The following DIP2C variants were observed in gnomAD, a reference collection of about 807,000 sequenced individuals.
DIP2C encodes disco-interacting protein 2 homolog C.
Under a neutral mutation model 192.4 loss-of-function variants are expected in DIP2C, and 33 were observed. That is an observed-to-expected ratio of 0.17 (90% CI 0.13 to 0.23). The LOEUF is 0.23. Ranked by LOEUF, DIP2C falls within the 10% of genes least tolerant of loss-of-function variation. The pLI is 1.00. For synonymous variants in DIP2C, 979 were observed against 864.1 expected, an observed-to-expected ratio of 1.13 and a Z score of -2.33; for missense variants, 1,537 against 2,110.1, an observed-to-expected ratio of 0.73 and a Z score of 5.32.
chr10:550,184 A>C (rs1479121578), intron 1 of DIP2C, among the ~76,000 whole-genome samples: 3 of 151,696 alleles, frequency 2.0e-5, no homozygotes, highest in Non-Finnish European at 2.9e-5. Context: ...TAATTTTTGT[A>C]CTTTTAGTAG....
intron 1 of DIP2C, among the ~76,000 whole-genome samples, chr10:488,205 C>A (rs372991620): frequency 6.6e-6 from 1 of 152,124 alleles, no homozygotes; most frequent in African/African-American, 2.4e-5. Flanking sequence ...AACTTCCATG[C>A]CCCGCATTTT....
At chr10:277,832 T>C (rs1161496084) in intron 36 of DIP2C, among the ~76,000 whole-genome samples, 1 of 152,046 alleles carries the variant, frequency 6.6e-6, no homozygotes, top group Admixed American at 6.6e-5. Flanking sequence ...TCTTCCCGAG[T>C]TCCCATTTCT....
At chr10:599,629 C>A (rs947864832) in intron 1 of DIP2C, among the ~76,000 whole-genome samples, 11 of 152,158 alleles carry the variant, frequency 7.2e-5, no homozygotes, top group Non-Finnish European at 1.6e-4. Flanking sequence ...GCTGGAGGGA[C>A]CTTCCAGGTA....
chr10:327,641 C>A (rs975091269), intron 30 of DIP2C, among the ~76,000 whole-genome samples: 3 of 152,194 alleles, frequency 2.0e-5, no homozygotes, highest in East Asian at 3.8e-4. Context: ...AAGTGACCCT[C>A]CCACCTTGTG....
Position 291,321 on chromosome 10 carries a change from G to A in DIP2C, c.3987-2900C>T, listed in dbSNP as rs542461764. On this transcript the variant is annotated intron_variant, in intron 32 of 36. Coordinates refer to ENST00000280886, the MANE Select transcript of DIP2C (RefSeq NM_014974.3). The stretch of plus-strand genomic sequence containing the variant: ...CAAGAATTCCCTCTCTGGTTCATGT[G>A]AAAAAGGTGTGTTTTGTATGAAAAC... Among the ~76,000 whole-genome samples, 28 of 152,348 alleles carry A rather than the reference G, an allele frequency of 1.8e-4. No individual in the cohort carries two copies. In the South Asian group the frequency reaches 2.9e-3, roughly 16 times the overall value.
intron 1 of DIP2C, among the ~76,000 whole-genome samples, chr10:537,701 G>A (rs2130887159): frequency 6.6e-6 from 1 of 152,292 alleles, no homozygotes; most frequent in East Asian, 1.9e-4. Context: ...AGGCTGGTAA[G>A]TCAACTCTAG....
intron 32 of DIP2C, among the ~76,000 whole-genome samples, chr10:295,686 T>C (rs1235134988): frequency 2.0e-5 from 3 of 151,124 alleles, no homozygotes; most frequent in African/African-American, 7.3e-5. Context: ...AGGGAACTCT[T>C]ATACACTGTT....
intron 1 of DIP2C, among the ~76,000 whole-genome samples, chr10:552,773 G>A (rs763127177): frequency 6.6e-5 from 10 of 152,170 alleles, no homozygotes; most frequent in Non-Finnish European, 1.0e-4. Context: ...AGTGTGAACC[G>A]GGGAGGCGGA....
intron 1 of DIP2C, among the ~76,000 whole-genome samples, chr10:674,801 G>T (rs1178783068): frequency 0.013 from 1,204 of 90,958 alleles, 10 homozygotes; most frequent in Non-Finnish European, 0.018. Context: ...GAGAGAGAGA[G>T]AGAGAGAGAG....
intron 1 of DIP2C, among the ~76,000 whole-genome samples, chr10:572,017 AT>A (rs1425313901): frequency 1.3e-5 from 2 of 152,236 alleles, no homozygotes; most frequent in Non-Finnish European, 2.9e-5. Context: ...CAACATTATA[AT>A]AAAAAATCAC....
chr10:590,846 G>A (rs1033698630), intron 1 of DIP2C, among the ~76,000 whole-genome samples: 1 of 152,210 alleles, frequency 6.6e-6, no homozygotes, highest in Non-Finnish European at 1.5e-5. Context: ...AGCCTGCGAG[G>A]TGAAGGGGCC....
chr10:346,504 A>AACCCG (rs1958467440), intron 26 of DIP2C, among the ~76,000 whole-genome samples: 2 of 137,354 alleles, frequency 1.5e-5, no homozygotes, highest in African/African-American at 2.9e-5. Context: ...ACACGCACCC[A>AACCCG]GACACATCGC....
At chr10:456,650 G>A (rs970460081) in intron 3 of DIP2C, among the ~76,000 whole-genome samples, 5 of 152,234 alleles carry the variant, frequency 3.3e-5, no homozygotes, top group Admixed American at 1.3e-4. Flanking sequence ...GAGGCCAGAC[G>A]AGACAGGCTG....
chr10:608,231 A>C (rs1379810511), intron 1 of DIP2C, among the ~76,000 whole-genome samples: 1 of 10,638 alleles, frequency 9.4e-5, no homozygotes, highest in African/African-American at 1.3e-3. Context: ...ACACACCCCC[A>C]CAGCCCCCCC....
chr10:275,536 T>C lies in DIP2C; in HGVS notation c.*1789A>G, dbSNP rs984566563. On this transcript the variant is annotated 3_prime_UTR_variant, in exon 37 of 37. Coordinates refer to ENST00000280886, the MANE Select transcript of DIP2C (RefSeq NM_014974.3). ...TCTCAGAAGTCAAACAAAACTCTTT[T>C]AGCAAAAGGCTTACTGCTGACTGCA... The C allele has an allele frequency of 6.6e-6, 1 of 150,684 alleles. No homozygotes were observed. Among genetic ancestry groups the C allele is most frequent in the Non-Finnish European group, 1.5e-5 (1 of 67,862 alleles). The allele number at this position is 150,684 out of a possible 1,614,324, so 9.3% of individuals were successfully genotyped here.
intron 31 of DIP2C, among the ~76,000 whole-genome samples, chr10:320,031 GC>G (rs1235589983): frequency 6.6e-6 from 1 of 152,188 alleles, no homozygotes; most frequent in Non-Finnish European, 1.5e-5. Context: ...AGAGGAAAAT[GC>G]TGTTAGAAGG....
chr10:337,282 T>G (rs1379116449), intron 29 of DIP2C, among the ~76,000 whole-genome samples: 10 of 13,098 alleles, frequency 7.6e-4, no homozygotes, highest in Admixed American at 2.2e-3. Flanking sequence ...GTGTGTGTGT[T>G]CTGTGGAGGC....
intron 10 of DIP2C, among the ~76,000 whole-genome samples, chr10:395,415 A>G (rs1963907537): frequency 6.6e-6 from 1 of 152,188 alleles, no homozygotes; most frequent in African/African-American, 2.4e-5. Flanking sequence ...AAATGTATAT[A>G]ATTATAACTT....
chr10:336,457 A>AT lies in DIP2C; in HGVS notation c.3584+4741dup, dbSNP rs1404428745. 5.3e-5 allele frequency among the ~76,000 whole-genome samples: 8 copies of AT among 152,168 alleles called. No homozygotes were observed. In the South Asian group the frequency reaches 6.2e-4, roughly 12 times the overall value. On this transcript the variant is annotated intron_variant, in intron 29 of 36. Transcript: ENST00000280886. ...CAGTTCTGTTTACACGATGAATCAC[A>AT]TTTTTTTATTTGCATATGATACCTA...
Sources: gnomAD v4.1 joint callset for allele counts (sites outside exome capture counted in the v4.1 genomes callset) on GRCh38, gnomAD v4.1.1 for gene constraint, MANE v1.5 for transcripts, NCBI Gene and HGNC (gene_info 2026-07-23, HGNC 2026-07-21) for gene names.